The following SNAPC1 variants were observed in gnomAD, a reference collection of about 807,000 sequenced individuals.
The protein encoded by SNAPC1 is snRNA-activating protein complex subunit 1.
In SNAPC1, 42 loss-of-function variants were observed where a neutral mutation model predicts 50.1. The observed-to-expected ratio is 0.84, with a 90% CI of 0.65 to 1.08. The LOEUF (loss-of-function observed/expected upper bound fraction) is 1.08. Among genes scored for constraint, SNAPC1 ranks in the 50% least tolerant of loss-of-function variants. The pLI, the probability that SNAPC1 is intolerant of heterozygous loss-of-function variation, is 0.00. For synonymous variants in SNAPC1, 164 were observed against 144.2 expected, an observed-to-expected ratio of 1.14 and a Z score of -0.98; for missense variants, 477 against 427.3, an observed-to-expected ratio of 1.12 and a Z score of -1.02.
At chr14:61,764,202 C>T (rs1345143968) in intron 1 of SNAPC1, among the ~76,000 whole-genome samples, 2 of 152,150 alleles carry the variant, frequency 1.3e-5, no homozygotes, top group East Asian at 1.9e-4. Context: ...CTAGACTGAC[C>T]TCTGTGAGGA....
intron 7 of SNAPC1, among the ~76,000 whole-genome samples, chr14:61,779,552 A>C (rs989966688): frequency 4.0e-5 from 6 of 151,588 alleles, no homozygotes; most frequent in African/African-American, 1.4e-4. Flanking sequence ...TTGTTCTCTG[A>C]ATGTTTGTTT....
At chr14:61,787,987 C>T (rs1448610348) in intron 8 of SNAPC1, among the ~76,000 whole-genome samples, 3 of 151,964 alleles carry the variant, frequency 2.0e-5, no homozygotes, top group South Asian at 2.1e-4. Flanking sequence ...GGAACAAGAA[C>T]AAAATAGGAA....
chr14:61,766,122 T>C (rs999208275), intron 1 of SNAPC1, among the ~76,000 whole-genome samples: 4 of 152,264 alleles, frequency 2.6e-5, no homozygotes, highest in South Asian at 2.1e-4. Context: ...AAATATCTGC[T>C]AGCTGTAATA....
At chr14:61,792,145 T>C (rs1011299877) in intron 8 of SNAPC1, among the ~76,000 whole-genome samples, 7 of 148,994 alleles carry the variant, frequency 4.7e-5, no homozygotes, top group Admixed American at 1.3e-4. Context: ...TATCAAATGA[T>C]AAAAGTGTTG....
At chr14:61,791,073 G>A (rs1446297265) in intron 8 of SNAPC1, among the ~76,000 whole-genome samples, 7 of 151,852 alleles carry the variant, frequency 4.6e-5, no homozygotes, top group East Asian at 1.9e-4. Flanking sequence ...GTGCAGTGGC[G>A]CGATCTCGGC....
intron 9 of SNAPC1, among the ~76,000 whole-genome samples, chr14:61,794,629 C>T (rs1458437637): frequency 2.0e-5 from 3 of 152,100 alleles, no homozygotes; most frequent in African/African-American, 4.8e-5. Flanking sequence ...AGGATGGTCT[C>T]GATCCCCTGA....
At chr14:61,794,211 C>A (rs1484944187) in intron 9 of SNAPC1, among the ~76,000 whole-genome samples, 2 of 151,890 alleles carry the variant, frequency 1.3e-5, no homozygotes, top group African/African-American at 4.8e-5. Context: ...GGCCTAAATA[C>A]CTTTGAGATC....
At chr14:61,779,535 A>AT (rs1216705072) in intron 7 of SNAPC1, among the ~76,000 whole-genome samples, 8 of 150,844 alleles carry the variant, frequency 5.3e-5, no homozygotes, top group African/African-American at 1.2e-4. Flanking sequence ...ATTACCAGTA[A>AT]TTTTTTTTGT....
chr14:61,794,343 C>T (rs1287134495), intron 9 of SNAPC1, among the ~76,000 whole-genome samples: 1 of 152,044 alleles, frequency 6.6e-6, no homozygotes, highest in Non-Finnish European at 1.5e-5. Context: ...ATTGATATTG[C>T]AATAGGATTG....
chr14:61,763,882 A>C (rs2044928272), intron 1 of SNAPC1, among the ~76,000 whole-genome samples: 1 of 152,230 alleles, frequency 6.6e-6, no homozygotes, highest in African/African-American at 2.4e-5. Context: ...TGTGAAGATT[A>C]AATGAGCTGA....
At chr14:61,785,465 G>T (rs1345372428) in intron 8 of SNAPC1, among the ~76,000 whole-genome samples, 1 of 152,138 alleles carries the variant, frequency 6.6e-6, no homozygotes, top group Non-Finnish European at 1.5e-5. Flanking sequence ...AATCTGAATA[G>T]TCTAATGTCT....
chr14:61,762,548 A>T lies in SNAPC1; in HGVS notation c.88A>T (p.Thr30Ser). 1 of 1,474,740 alleles carries T rather than the reference A, an allele frequency of 6.8e-7. No individual in the cohort carries two copies. The highest frequency in any genetic ancestry group is 9.0e-7 in the Non-Finnish European group (1 of 1,112,206). 91.4% of individuals were successfully genotyped at this position (1,474,740 alleles called of 1,614,324 possible). A position where few individuals can be genotyped will look rare whatever the true frequency, so the allele number is the denominator to read the frequency against. ...ETDSVRFEDF[T>S]ELWRNMKFGT... ...GGACAGTGTACGCTTCGAGGACTTC[A>T]CGGAGCTCTGGAGAAACATGAAGTT... Residue 30 changes from threonine (T) to serine (S), a missense_variant, in exon 1 of 10, where the codon ACG becomes TCG. Physicochemically the swap from Thr to Ser is moderately conservative, Grantham distance 58 (BLOSUM62 1). Transcript: ENST00000216294.
At chr14:61,783,559 A>G (rs2045093683) in intron 8 of SNAPC1, among the ~76,000 whole-genome samples, 9 of 122,996 alleles carry the variant, frequency 7.3e-5, no homozygotes, top group South Asian at 2.7e-4. Context: ...TTCTTGAGAC[A>G]GAGTCTTGCT....
chr14:61,778,719 T>G, intron 6 of SNAPC1, 129 bp from the exon 7 acceptor site: 1 of 664,794 alleles, frequency 1.5e-6, no homozygotes, highest in East Asian at 2.8e-5. Flanking sequence ...GTATACCCAA[T>G]GTATGTTAGT....
Position 61,768,735 on chromosome 14 carries a change from T to C in SNAPC1, c.529T>C (p.Leu177=). 1 of 1,568,406 alleles carries C rather than the reference T, an allele frequency of 6.4e-7. No individual in the cohort carries two copies. Among genetic ancestry groups the C allele is most frequent in the Non-Finnish European group, 8.7e-7 (1 of 1,147,930 alleles). ...GATGAAACTTATCACTTCTGATGTA[T>C]TAGAGGTAAATTTTCTTTTATGCTC... ...RVMKLITSDV[L]EEMLNVHDHY... Residue 177 remains leucine, a synonymous_variant, in exon 4 of 10, where the codon TTA becomes CTA. Coordinates refer to ENST00000216294, the MANE Select transcript of SNAPC1 (RefSeq NM_003082.4).
At chr14:61,768,579 C>T in intron 3 of SNAPC1, 57 bp from the exon 4 acceptor site, 4 of 951,264 alleles carry the variant, frequency 4.2e-6, no homozygotes, top group Non-Finnish European at 6.6e-6. Flanking sequence ...TATTTCAATA[C>T]TTTTAACAAT....
intron 1 of SNAPC1, among the ~76,000 whole-genome samples, chr14:61,762,844 C>T (rs1261572981): frequency 1.3e-5 from 2 of 152,030 alleles, no homozygotes; most frequent in Non-Finnish European, 2.9e-5. Flanking sequence ...ACTCCTCTCT[C>T]CCATCTCCAC....
intron 9 of SNAPC1, among the ~76,000 whole-genome samples, chr14:61,794,077 G>A (rs771892508): frequency 3.9e-5 from 6 of 152,120 alleles, no homozygotes; most frequent in Non-Finnish European, 7.4e-5. Flanking sequence ...ACAATTATTC[G>A]AGTGTTGGTT....
At chr14:61,781,353 G>A (rs2045070532) in intron 7 of SNAPC1, among the ~76,000 whole-genome samples, 1 of 151,308 alleles carries the variant, frequency 6.6e-6, no homozygotes, top group South Asian at 2.1e-4. Flanking sequence ...GGAGGCTAAG[G>A]CAGGAGAATG....
Sources: gnomAD v4.1 joint callset for allele counts (sites outside exome capture counted in the v4.1 genomes callset) on GRCh38, gnomAD v4.1.1 for gene constraint, MANE v1.5 for transcripts, NCBI Gene and HGNC (gene_info 2026-07-23, HGNC 2026-07-21) for gene names.